DNAH3: variants seen among roughly 807,000 people sequenced by gnomAD.
The protein encoded by DNAH3 is dynein axonemal heavy chain 3, also known as axonemal beta dynein heavy chain 3.
In DNAH3, 332 loss-of-function variants were observed where a neutral mutation model predicts 432.5. That is an observed-to-expected ratio of 0.77 (90% CI 0.70 to 0.84). The LOEUF (loss-of-function observed/expected upper bound fraction) is 0.84. DNAH3 is among the 40% of genes least tolerant of loss of function. The pLI, the probability that DNAH3 is intolerant of heterozygous loss-of-function variation, is 0.00. For synonymous variants in DNAH3, 1,956 were observed against 1,900.2 expected (o/e 1.03, Z -0.76); for missense variants, 4,861 against 5,114.0 (o/e 0.95, Z 1.51).
intron 7 of DNAH3, chr16:21,130,090 T>TG (rs1248359146): frequency 5.0e-5 from 3 of 60,406 alleles, no homozygotes; most frequent in South Asian, 4.2e-4. Flanking sequence ...ACTAAATAAA[T>TG]GAAAAAAAAA....
chr16:21,076,276 G>A (rs1440135800), intron 20 of DNAH3, among the ~76,000 whole-genome samples: 1 of 152,164 alleles, frequency 6.6e-6, no homozygotes, highest in Non-Finnish European at 1.5e-5. Flanking sequence ...CAGACACACA[G>A]AGGGAAGACC....
At chr16:21,041,278 G>A (rs1243252607) in intron 32 of DNAH3, among the ~76,000 whole-genome samples, 1 of 152,142 alleles carries the variant, frequency 6.6e-6, no homozygotes, top group Non-Finnish European at 1.5e-5. Context: ...AGCTGAGGCA[G>A]GAGAATCACT....
At chr16:21,009,384 T>A (rs1158592783) in intron 41 of DNAH3, among the ~76,000 whole-genome samples, 2 of 152,214 alleles carry the variant, frequency 1.3e-5, no homozygotes, top group Non-Finnish European at 2.9e-5. Context: ...GAAACGGATT[T>A]TTTGAAAACT....
chr16:21,116,104 TG>T (rs2092193627), intron 12 of DNAH3, among the ~76,000 whole-genome samples: 1 of 152,226 alleles, frequency 6.6e-6, no homozygotes, highest in Non-Finnish European at 1.5e-5. Context: ...TGGGTTAGCG[TG>T]ACCATATCTC....
intron 52 of DNAH3, among the ~76,000 whole-genome samples, chr16:20,966,569 C>T (rs910354707): frequency 6.6e-6 from 1 of 152,202 alleles, no homozygotes; most frequent in African/African-American, 2.4e-5. Context: ...TATCTACCAT[C>T]TACCTTTCCC....
chr16:21,147,603 T>TAA (rs2092801904), intron 1 of DNAH3, among the ~76,000 whole-genome samples: 1 of 152,204 alleles, frequency 6.6e-6, no homozygotes, highest in African/African-American at 2.4e-5. Flanking sequence ...AACACACACA[T>TAA]AAGCAACTCT....
At chr16:20,963,360 G>C (rs1326700838) in exon 53 of DNAH3, 1 of 1,614,032 alleles carries the variant, frequency 6.2e-7, no homozygotes, top group East Asian at 2.2e-5. Context: ...AGGATCCCTG[G>C]AGATCGAACG....
At chr16:21,117,956 T>C (rs2092245414) in intron 11 of DNAH3, among the ~76,000 whole-genome samples, 1 of 152,148 alleles carries the variant, frequency 6.6e-6, no homozygotes, top group Non-Finnish European at 1.5e-5. Flanking sequence ...CAATGTGACC[T>C]TAGGTAAACT....
chr16:21,035,183 C>T lies in DNAH3; in HGVS notation c.5086-1098G>A, dbSNP rs150382125. On this transcript the variant is annotated intron_variant, in intron 35 of 61. Coordinates refer to ENST00000261383, the Ensembl canonical transcript of DNAH3. The stretch of plus-strand genomic sequence containing the variant: ...GTCTACTAAAAATACAAAAATTAGC[C>T]GGGCATAGTGGCACATGCCTGTAAT... Among the ~76,000 whole-genome samples the T allele has an allele frequency of 1.1e-3, 165 of 152,104 alleles. 2 individuals carry two copies. In the East Asian group the frequency reaches 0.028, roughly 26 times the overall value.
At chr16:21,159,280 A>G (rs1240381292) in intron 1 of DNAH3, 1 of 1,533,784 alleles carries the variant, frequency 6.5e-7, no homozygotes, top group Non-Finnish European at 9.0e-7. Context: ...CTGAGTTCCC[A>G]TTATTCAGTC....
intron 35 of DNAH3, among the ~76,000 whole-genome samples, chr16:21,034,907 G>A (rs1164844302): frequency 6.6e-6 from 1 of 152,166 alleles, no homozygotes; most frequent in Non-Finnish European, 1.5e-5. Flanking sequence ...CATTAAGTAG[G>A]GTTGACATTC....
At chr16:20,998,895 T>G (rs2086890380) in intron 43 of DNAH3, among the ~76,000 whole-genome samples, 1 of 152,180 alleles carries the variant, frequency 6.6e-6, no homozygotes, top group South Asian at 2.1e-4. Flanking sequence ...AAGATAGTAT[T>G]AACTCTATGT....
At chr16:21,001,094 A>G (rs1472746285) in intron 42 of DNAH3, among the ~76,000 whole-genome samples, 14 of 152,128 alleles carry the variant, frequency 9.2e-5, no homozygotes. Context: ...TCTATTTTTT[A>G]CAACACTCAC....
chr16:21,060,982 C>A (rs983259997), intron 25 of DNAH3, among the ~76,000 whole-genome samples: 8 of 151,734 alleles, frequency 5.3e-5, no homozygotes, highest in African/African-American at 1.9e-4. Flanking sequence ...GGACTACAGG[C>A]ACATGCCACC....
At chr16:20,990,170 G>C (rs553585179) in intron 44 of DNAH3, among the ~76,000 whole-genome samples, 1 of 152,374 alleles carries the variant, frequency 6.6e-6, no homozygotes, top group South Asian at 2.1e-4. Flanking sequence ...GAGCGAGCCA[G>C]GGCTGTGAGG....
intron 56 of DNAH3, among the ~76,000 whole-genome samples, chr16:20,951,326 T>TC (rs1465138428): frequency 6.6e-6 from 1 of 151,846 alleles, no homozygotes; most frequent in African/African-American, 2.4e-5. Flanking sequence ...CCAAAACCCA[T>TC]CTCTTATGCC....
intron 16 of DNAH3, among the ~76,000 whole-genome samples, chr16:21,101,057 C>A (rs540903640): frequency 2.0e-5 from 3 of 152,136 alleles, no homozygotes; most frequent in Non-Finnish European, 2.9e-5. Flanking sequence ...TCCCTATAAA[C>A]CTATTGCAAT....
At chr16:21,151,020 C>T (rs2092847215) in intron 1 of DNAH3, among the ~76,000 whole-genome samples, 174 bp from the exon 1 acceptor site, 1 of 152,106 alleles carries the variant, frequency 6.6e-6, no homozygotes, top group Non-Finnish European at 1.5e-5. Flanking sequence ...AGCAATGTTC[C>T]AGGAATAACA....
At chr16:21,086,984 G>T in exon 19 of DNAH3, 1 of 1,614,180 alleles carries the variant, frequency 6.2e-7, no homozygotes, top group South Asian at 1.1e-5. Flanking sequence ...ACAAGGTCTT[G>T]ATCAGTTTAT....
Sources: gnomAD v4.1 joint callset for allele counts (sites outside exome capture counted in the v4.1 genomes callset) on GRCh38, gnomAD v4.1.1 for gene constraint, MANE v1.5 for transcripts, NCBI Gene and HGNC (gene_info 2026-07-23, HGNC 2026-07-21) for gene names.